Variants in BRINP3 observed in about 807,000 individuals in gnomAD.
BRINP3 encodes BMP/retinoic acid-inducible neural-specific protein 3.
BRINP3 carries 19 observed loss-of-function variants against 71.0 expected under a neutral mutation model. The ratio of observed to expected loss-of-function variants is 0.27; its 90% CI spans 0.19 to 0.39. The LOEUF (loss-of-function observed/expected upper bound fraction) is 0.39. Among genes scored for constraint, BRINP3 ranks in the 10% least tolerant of loss-of-function variants. BRINP3 has a pLI of 1.00. For synonymous variants in BRINP3, 380 were observed against 337.7 expected (o/e 1.13, Z -1.37); for missense variants, 959 against 940.8 (o/e 1.02, Z -0.25).
intron 4 of BRINP3, among the ~76,000 whole-genome samples, chr1:190,248,576 C>T (rs1477007197): frequency 1.3e-5 from 2 of 151,570 alleles, no homozygotes. Context: ...AAAAATGTTT[C>T]AGGAAAAGAC....
intron 2 of BRINP3, among the ~76,000 whole-genome samples, chr1:190,395,085 C>G (rs1421806804): frequency 6.6e-6 from 1 of 151,672 alleles, no homozygotes; most frequent in Non-Finnish European, 1.5e-5. Flanking sequence ...GTATCAATGG[C>G]TTACATTCAG....
intron 2 of BRINP3, among the ~76,000 whole-genome samples, chr1:190,452,089 A>G (rs1237886451): frequency 1.3e-5 from 2 of 152,090 alleles, no homozygotes; most frequent in Non-Finnish European, 2.9e-5. Flanking sequence ...TTAAATATGG[A>G]AAACATTAAT....
chr1:190,173,252 T>C (rs768769473), intron 6 of BRINP3, among the ~76,000 whole-genome samples: 21 of 152,172 alleles, frequency 1.4e-4, no homozygotes, highest in Non-Finnish European at 2.5e-4. Flanking sequence ...ACTTGCAGCA[T>C]CTGGTGTATA....
At chr1:190,199,571 GAAACA>G (rs1379241481) in intron 6 of BRINP3, among the ~76,000 whole-genome samples, 11 of 151,852 alleles carry the variant, frequency 7.2e-5, no homozygotes, top group African/African-American at 2.7e-4. Flanking sequence ...GTAATATTTG[GAAACA>G]AAACAAAACC....
At chr1:190,355,953 C>A (rs754995327) in intron 2 of BRINP3, among the ~76,000 whole-genome samples, 1 of 151,882 alleles carries the variant, frequency 6.6e-6, no homozygotes, top group Non-Finnish European at 1.5e-5. Flanking sequence ...AGCTAGGTAG[C>A]TAGCATCTGT....
chr1:190,257,404 T>G (rs1001140159), intron 4 of BRINP3, among the ~76,000 whole-genome samples: 5 of 152,130 alleles, frequency 3.3e-5, no homozygotes, highest in Non-Finnish European at 5.9e-5. Context: ...TTTTTCAAAT[T>G]TTTTAGCTTC....
intron 1 of BRINP3, among the ~76,000 whole-genome samples, chr1:190,460,060 T>C (rs1441008889): frequency 2.0e-5 from 3 of 151,992 alleles, no homozygotes; most frequent in Admixed American, 1.3e-4. Context: ...CTTGAGCAAA[T>C]ACTACTTTGC....
intron 2 of BRINP3, among the ~76,000 whole-genome samples, chr1:190,327,430 T>C (rs1480739113): frequency 1.4e-5 from 1 of 73,340 alleles, no homozygotes; most frequent in Non-Finnish European, 2.7e-5. Context: ...TCACACATAA[T>C]AACAACCATA....
At chr1:190,222,658 A>C (rs2102689909) in intron 6 of BRINP3, among the ~76,000 whole-genome samples, 1 of 152,018 alleles carries the variant, frequency 6.6e-6, no homozygotes, top group Admixed American at 6.6e-5. Context: ...GAATAAAGGA[A>C]GAAGAGGCAA....
At chr1:190,121,598 A>G (rs1256187184) in intron 7 of BRINP3, among the ~76,000 whole-genome samples, 2 of 152,194 alleles carry the variant, frequency 1.3e-5, no homozygotes, top group Non-Finnish European at 2.9e-5. Context: ...TGTGTAAAAT[A>G]CAGACAAAAA....
At chr1:190,112,935 T>G (rs1211074703) in intron 7 of BRINP3, among the ~76,000 whole-genome samples, 1 of 152,132 alleles carries the variant, frequency 6.6e-6, no homozygotes, top group African/African-American at 2.4e-5. Context: ...AATGATGTAG[T>G]TCTTTTTCTT....
intron 2 of BRINP3, among the ~76,000 whole-genome samples, chr1:190,441,843 A>G (rs1224978513): frequency 6.6e-6 from 1 of 152,096 alleles, no homozygotes; most frequent in Non-Finnish European, 1.5e-5. Flanking sequence ...TAAACATTGA[A>G]GAGATAGAAT....
At chr1:190,172,835 A>G (rs1191041967) in intron 6 of BRINP3, among the ~76,000 whole-genome samples, 1 of 152,152 alleles carries the variant, frequency 6.6e-6, no homozygotes. Context: ...CAGATACAGC[A>G]GCTTCCATAG....
chr1:190,272,006 C>T (rs144299136), intron 3 of BRINP3, among the ~76,000 whole-genome samples: 1 of 151,556 alleles, frequency 6.6e-6, no homozygotes, highest in Non-Finnish European at 1.5e-5. Context: ...AAACCTAATA[C>T]ATGTTGAGGC....
chr1:190,192,932 T>C (rs945728752), intron 6 of BRINP3, among the ~76,000 whole-genome samples: 1 of 152,142 alleles, frequency 6.6e-6, no homozygotes, highest in African/African-American at 2.4e-5. Flanking sequence ...GCTTAAACTT[T>C]TATATTTTTA....
At chr1:190,130,196 C>T (rs1203821068) in intron 7 of BRINP3, among the ~76,000 whole-genome samples, 1 of 151,846 alleles carries the variant, frequency 6.6e-6, no homozygotes, top group Non-Finnish European at 1.5e-5. Context: ...TGACTATATG[C>T]CTCCTTTTTA....
intron 4 of BRINP3, among the ~76,000 whole-genome samples, chr1:190,255,410 T>C (rs2102834909): frequency 6.6e-6 from 1 of 152,270 alleles, no homozygotes; most frequent in Non-Finnish European, 1.5e-5. Flanking sequence ...ATCCATCTGG[T>C]CCTCGACTGT....
intron 7 of BRINP3, among the ~76,000 whole-genome samples, chr1:190,151,232 A>G (rs546430525): frequency 6.6e-6 from 1 of 152,198 alleles, no homozygotes; most frequent in African/African-American, 2.4e-5. Flanking sequence ...AAAACAAGTA[A>G]AATTGTTTAG....
At chr1:190,166,204 G>C (rs1022582862) in intron 6 of BRINP3, among the ~76,000 whole-genome samples, 1 of 152,108 alleles carries the variant, frequency 6.6e-6, no homozygotes, top group Non-Finnish European at 1.5e-5. Flanking sequence ...CTGTTCAATA[G>C]CTTGTGAACT....
Sources: allele counts gnomAD v4.1 joint callset (sites outside exome capture counted in the v4.1 genomes callset), GRCh38; gene constraint gnomAD v4.1.1; transcripts MANE v1.5; gene names NCBI Gene and HGNC (gene_info 2026-07-23, HGNC 2026-07-21).